The following PPFIBP1 variants were observed in gnomAD, a reference collection of about 807,000 sequenced individuals.
PPFIBP1 encodes PPFIB scaffold protein 1.
Under a neutral mutation model 137.8 loss-of-function variants are expected in PPFIBP1, and 112 were observed. The ratio of observed to expected loss-of-function variants is 0.81; its 90% CI spans 0.70 to 0.95. The LOEUF (loss-of-function observed/expected upper bound fraction) is 0.95, where lower values mean the gene tolerates loss of function less well. Ranked by LOEUF, PPFIBP1 falls within the 40% of genes least tolerant of loss-of-function variation. The pLI, the probability that PPFIBP1 is intolerant of heterozygous loss-of-function variation, is 0.00. For missense variants in PPFIBP1, 1,083 were observed against 1,196.6 expected, an observed-to-expected ratio of 0.91 and a Z score of 1.40; for synonymous variants, 378 against 417.3, an observed-to-expected ratio of 0.91 and a Z score of 1.15.
At chr12:27,653,924 C>T (rs979588290) in intron 7 of PPFIBP1, among the ~76,000 whole-genome samples, 4 of 152,162 alleles carry the variant, frequency 2.6e-5, no homozygotes, top group African/African-American at 7.2e-5. Context: ...GGCCCTCATC[C>T]ACTTTCCAGT....
At chr12:27,546,776 G>C (rs1946276711) in intron 1 of PPFIBP1, among the ~76,000 whole-genome samples, 1 of 152,182 alleles carries the variant, frequency 6.6e-6, no homozygotes, top group African/African-American at 2.4e-5. Context: ...ATTTTGGGGA[G>C]ACTGAGGTGG....
At chr12:27,565,553 A>C (rs779477961) in intron 1 of PPFIBP1, among the ~76,000 whole-genome samples, 1 of 151,980 alleles carries the variant, frequency 6.6e-6, no homozygotes, top group Non-Finnish European at 1.5e-5. Flanking sequence ...CCTGTCTCAC[A>C]TGTCCAGTTG....
intron 2 of PPFIBP1, chr12:27,592,765 GA>G: frequency 1.2e-6 from 1 of 840,514 alleles, no homozygotes; most frequent in Non-Finnish European, 2.0e-6. Flanking sequence ...AGAAAATAAA[GA>G]ATATGTTAGG....
rs113655104 is a variant in PPFIBP1, at chr12:27,556,816, C to T, written c.-123-21336C>T. Among the ~76,000 whole-genome samples, 1,303 of 152,216 alleles carry T rather than the reference C, an allele frequency of 8.6e-3. 7 individuals are homozygous for T. The highest frequency in any genetic ancestry group is 0.024 in the Middle Eastern group (7 of 294). On this transcript the variant is annotated intron_variant, in intron 1 of 29. Transcript: ENST00000228425. ...CAAACAGGTTAATCCTTGGAATTGT[C>T]GGGGGCTAATAAATTAATATATGTA... is the stretch of plus-strand genomic sequence containing the variant.
At chr12:27,544,952 C>A (rs190451706) in intron 1 of PPFIBP1, among the ~76,000 whole-genome samples, 18 of 152,120 alleles carry the variant, frequency 1.2e-4, no homozygotes, top group African/African-American at 4.3e-4. Context: ...TATTGCAGCA[C>A]TATTCACAAT....
At chr12:27,641,927 A>G (rs2139310485) in intron 4 of PPFIBP1, among the ~76,000 whole-genome samples, 1 of 150,072 alleles carries the variant, frequency 6.7e-6, no homozygotes, top group East Asian at 1.9e-4. Flanking sequence ...TTTTCACTAT[A>G]TTAAATCTTG....
chr12:27,691,037 C>T (rs1422744668), intron 27 of PPFIBP1, among the ~76,000 whole-genome samples: 1 of 149,400 alleles, frequency 6.7e-6, no homozygotes, highest in African/African-American at 2.5e-5. Flanking sequence ...CCTGAGTATC[C>T]AGTGACCAAC....
In PPFIBP1 at chr12:27,667,174, G is replaced by A; in HGVS notation, c.1000G>A (p.Gly334Arg). Residue 334 changes from glycine to arginine, a missense_variant, in exon 13 of 30, where the codon GGA becomes AGA. By Grantham distance (125) the Gly-to-Arg change is moderately radical. Transcript: ENST00000228425. ...VLAQGKKGKD[G>R]EYEELLNSSS... ...GTTTTATCTTTTCCTAGGCAAAGAT[G>A]GAGAATATGAAGAGCTGCTCAATTC... 2 of 1,574,546 alleles carry A rather than the reference G, an allele frequency of 1.3e-6. No homozygotes were observed. The highest frequency in any genetic ancestry group is 1.7e-6 in the Non-Finnish European group (2 of 1,162,006).
intron 2 of PPFIBP1, among the ~76,000 whole-genome samples, chr12:27,589,160 AATGAGGAGAC>A (rs1426367882): frequency 6.6e-6 from 1 of 152,222 alleles, no homozygotes; most frequent in African/African-American, 2.4e-5. Flanking sequence ...TGCAATATAT[AATGAGGAGAC>A]ATATTTTTGA....
intron 1 of PPFIBP1, among the ~76,000 whole-genome samples, chr12:27,527,622 G>T (rs67447248): frequency 0.17 from 25,688 of 152,132 alleles, 2,432 homozygotes; most frequent in Middle Eastern, 0.27. Flanking sequence ...GTGAATTAAT[G>T]AATGCATATT....
At chr12:27,564,821 G>A (rs890302124) in intron 1 of PPFIBP1, among the ~76,000 whole-genome samples, 7 of 152,080 alleles carry the variant, frequency 4.6e-5, no homozygotes, top group African/African-American at 1.7e-4. Context: ...CAGGCCGCCA[G>A]CCCCTTTGAC....
chr12:27,650,083 A>G lies in PPFIBP1; in HGVS notation c.545A>G (p.Lys182Arg). The G allele has an allele frequency of 6.2e-7, 1 of 1,608,352 alleles. No individual in the cohort carries two copies. Residue 182 changes from lysine to arginine, a missense_variant, in exon 7 of 30, where the codon AAA becomes AGA. Physicochemically the swap from Lys to Arg is conservative, Grantham distance 26 (BLOSUM62 2). Transcript: ENST00000228425. ...GCTGAAATATCTAACTTGAAGTTGAAACTGACAGCTGTAGAGAAGGACAGA... is the reference window on the plus strand; with the variant it reads ...GCTGAAATATCTAACTTGAAGTTGAGACTGACAGCTGTAGAGAAGGACAGA... ...LMAEISNLKL[K>R]LTAVEKDRLD... is the part of the protein sequence containing the mutation.
Position 27,634,983 on chromosome 12 carries a change from G to T in PPFIBP1, c.138G>T (p.Leu46Phe). The part of the protein sequence containing the change: ...QSPTSPFMGS[L>F]RALHLVEDLR... ...CCACCTCTCCATTCATGGGAAGTTT[G>T]CGAGCTCTGCACCTTGTGGAAGACC... The change falls in exon 4 of 30, where the codon TTG becomes TTT. Residue 46 changes from leucine (L) to phenylalanine (F), a missense_variant. Leu to Phe is a conservative substitution (Grantham distance 22). Transcript: ENST00000228425. 3 of 1,614,128 alleles carry T rather than the reference G, an allele frequency of 1.9e-6. No homozygotes were observed. Among genetic ancestry groups the T allele is most frequent in the Non-Finnish European group, 2.5e-6 (3 of 1,179,986 alleles).
At chr12:27,670,494 T>A (rs916109274) in intron 13 of PPFIBP1, among the ~76,000 whole-genome samples, 1 of 152,152 alleles carries the variant, frequency 6.6e-6, no homozygotes, top group Non-Finnish European at 1.5e-5. Context: ...AAAATGGAGC[T>A]TTTCGCTGGG....
chr12:27,553,426 G>T (rs949388213), intron 1 of PPFIBP1, among the ~76,000 whole-genome samples: 3 of 152,150 alleles, frequency 2.0e-5, no homozygotes, highest in Non-Finnish European at 2.9e-5. Flanking sequence ...AGCCAAGAGT[G>T]CCCAGTGAAG....
At chr12:27,624,648 A>G (rs189861941) in intron 2 of PPFIBP1, among the ~76,000 whole-genome samples, 1 of 152,338 alleles carries the variant, frequency 6.6e-6, no homozygotes, top group African/African-American at 2.4e-5. Flanking sequence ...TTTAGTGAAC[A>G]AGAGAAGTAA....
rs1360223764 is a variant in PPFIBP1, at chr12:27,560,067, G to GA, written c.-123-18085_-123-18084insA. 4.6e-5 allele frequency among the ~76,000 whole-genome samples: 7 copies of GA among 152,172 alleles called. No homozygotes were observed. The South Asian group carries it at 1.4e-3, about 31-fold the overall frequency. On this transcript the variant is annotated intron_variant, in intron 1 of 29. Transcript: ENST00000228425. ...GTGTTGACAGGTAAGTATTACACATGGACAACTTTACTCAAATGTTTTTAA... is the reference window on the plus strand; with the variant it reads ...GTGTTGACAGGTAAGTATTACACATGAGACAACTTTACTCAAATGTTTTTAA...
At chr12:27,635,460 T>C (rs2057589485) in intron 4 of PPFIBP1, 1 of 419,428 alleles carries the variant, frequency 2.4e-6, no homozygotes, top group Non-Finnish European at 4.3e-6. Context: ...TATTGGGTTA[T>C]TCACCATAAA....
chr12:27,648,859 G>GA (rs922410450), intron 6 of PPFIBP1, among the ~76,000 whole-genome samples: 5 of 109,564 alleles, frequency 4.6e-5, no homozygotes, highest in African/African-American at 1.3e-4. Context: ...GTAGGGTAGT[G>GA]GGGATGAAGG....
Sources: gnomAD v4.1 joint callset for allele counts (sites outside exome capture counted in the v4.1 genomes callset) on GRCh38, gnomAD v4.1.1 for gene constraint, MANE v1.5 for transcripts, NCBI Gene and HGNC (gene_info 2026-07-23, HGNC 2026-07-21) for gene names.